The following MRPS10 variants were observed in gnomAD, a reference collection of about 807,000 sequenced individuals.
MRPS10 encodes the protein small ribosomal subunit protein uS10m.
In MRPS10, 23 loss-of-function variants were observed where a neutral mutation model predicts 27.5. The observed-to-expected ratio is 0.84, with a 90% CI of 0.60 to 1.18. The LOEUF is 1.18. Ranked by LOEUF, MRPS10 falls within the 50% of genes most tolerant of loss-of-function variation. The pLI is 0.00. For missense variants in MRPS10, 237 were observed against 240.1 expected (o/e 0.99, Z 0.09); for synonymous variants, 88 against 84.2 (o/e 1.04, Z -0.25).
chr6:42,216,048 G>C (rs1392995095), intron 1 of MRPS10, among the ~76,000 whole-genome samples: 4 of 95,368 alleles, frequency 4.2e-5, no homozygotes, highest in Admixed American at 1.3e-4. Flanking sequence ...TTTTTTGAGA[G>C]AGTCTTGCTC....
intron 3 of MRPS10, among the ~76,000 whole-genome samples, chr6:42,213,685 C>T (rs527402433): frequency 1.3e-5 from 2 of 152,294 alleles, no homozygotes; most frequent in Admixed American, 1.3e-4. Flanking sequence ...TACCAAGTTC[C>T]TTCTAGATGT....
chr6:42,216,026 C>CTTTTTTTTTTTTTTTTTTTT (rs34985131), intron 1 of MRPS10, among the ~76,000 whole-genome samples: 1 of 56,976 alleles, frequency 1.8e-5, no homozygotes, highest in Non-Finnish European at 4.1e-5. Context: ...TTTTTCTTTT[C>CTTTTTTTTTTTTTTTTTTTT]TTTTTTTTTT....
intron 5 of MRPS10, among the ~76,000 whole-genome samples, chr6:42,209,670 G>A (rs1046055161): frequency 6.3e-5 from 9 of 141,960 alleles, no homozygotes; most frequent in Admixed American, 1.5e-4. Context: ...GCTTGAACCC[G>A]GAAGGCAGAG....
chr6:42,217,271 T>C (rs1768968688), intron 1 of MRPS10, among the ~76,000 whole-genome samples: 1 of 152,036 alleles, frequency 6.6e-6, no homozygotes. Context: ...ACTCCGAAAG[T>C]GTAAAGTGGT....
intron 3 of MRPS10, among the ~76,000 whole-genome samples, chr6:42,213,224 A>G (rs1768834341): frequency 6.6e-6 from 1 of 152,100 alleles, no homozygotes; most frequent in Non-Finnish European, 1.5e-5. Flanking sequence ...TGAGGCAGGC[A>G]GATCACTTGA....
chr6:42,217,789 G>C lies in MRPS10; in HGVS notation c.48+13C>G. ...CCGGTCAGCCCTCCTAGTCTCCCTA[G>C]CCAATCCAGTACCTGCCAGAGGCGC... On this transcript the variant is annotated intron_variant, in intron 1 of 6. Transcript: ENST00000053468. The C allele has an allele frequency of 6.2e-7, 1 of 1,613,988 alleles. No homozygotes were observed. Among genetic ancestry groups the C allele is most frequent in the East Asian group, 2.2e-5 (1 of 44,874 alleles).
At chr6:42,216,381 A>AGTGTGTGTGT (rs1171760790) in intron 1 of MRPS10, among the ~76,000 whole-genome samples, 100 of 31,966 alleles carry the variant, frequency 3.1e-3, no homozygotes, top group Middle Eastern at 0.015. Flanking sequence ...AGAGAGAGAG[A>AGTGTGTGTGT]GAGAGTGTGT....
chr6:42,212,854 C>A (rs1768822361), intron 3 of MRPS10, among the ~76,000 whole-genome samples: 1 of 152,192 alleles, frequency 6.6e-6, no homozygotes, highest in African/African-American at 2.4e-5. Flanking sequence ...AATATAGCCT[C>A]AAGATGTGTT....
chr6:42,216,413 T>TGTGTGTGTGTGTGTGTGTGTGTG (rs371361467), intron 1 of MRPS10, among the ~76,000 whole-genome samples: 24 of 128,424 alleles, frequency 1.9e-4, no homozygotes, highest in East Asian at 4.8e-4. Context: ...TGTGTGTGTG[T>TGTGTGTGTGTGTGTGTGTGTGTG]TGGGGGAGTG....
At chr6:42,212,787 T>C (rs1768820298) in intron 3 of MRPS10, among the ~76,000 whole-genome samples, 1 of 152,210 alleles carries the variant, frequency 6.6e-6, no homozygotes, top group Non-Finnish European at 1.5e-5. Flanking sequence ...AAAAGGGTTG[T>C]TGGAAGAACA....
At chr6:42,216,385 A>T (rs9688516) in intron 1 of MRPS10, among the ~76,000 whole-genome samples, 11,304 of 58,800 alleles carry the variant, frequency 0.19, 1,590 homozygotes, top group Middle Eastern at 0.22. Context: ...AGAGAGAGAG[A>T]GTGTGTGTGT....
intron 5 of MRPS10, among the ~76,000 whole-genome samples, chr6:42,209,747 CAAAAAAAAAAAAAAAAAAAA>C (rs60179760): frequency 1.7e-5 from 1 of 58,612 alleles, no homozygotes; most frequent in Non-Finnish European, 2.9e-5. Flanking sequence ...GACTCTATCT[CAAAAAAAAAAAAAAAAAAAA>C]AAAAAAAAAA....
chr6:42,208,636 G>C (rs1768679539), intron 6 of MRPS10, among the ~76,000 whole-genome samples: 1 of 152,164 alleles, frequency 6.6e-6, no homozygotes, highest in African/African-American at 2.4e-5. Flanking sequence ...TGAGGAGGGA[G>C]AACTTCATAG....
intron 1 of MRPS10, among the ~76,000 whole-genome samples, chr6:42,216,775 C>T (rs552346159): frequency 6.6e-6 from 1 of 152,026 alleles, no homozygotes; most frequent in Non-Finnish European, 1.5e-5. Context: ...CGTGCCATTG[C>T]GCTCCAGCTT....
chr6:42,214,244 T>C, intron 2 of MRPS10, 36 bp downstream of exon 2: 1 of 1,609,054 alleles, frequency 6.2e-7, no homozygotes, highest in East Asian at 2.2e-5. Context: ...CAAGAACCTA[T>C]TTTGTTCAAT....
At position 42,215,370 on chromosome 6, in the gene MRPS10, AAAG is replaced by A. The variant is rs549726225; in HGVS notation, c.49-1029_49-1027del. Among the ~76,000 whole-genome samples, 266 of 151,506 alleles carry A rather than the reference AAAG, an allele frequency of 1.8e-3. 4 individuals are homozygous for A. The highest frequency in any genetic ancestry group is 2.8e-3 in the Non-Finnish European group (192 of 67,820). On this transcript the variant is annotated intron_variant, in intron 1 of 6. Transcript: ENST00000053468. ...GCGAGACTCCCTCTCAAAAAAAAAAAAAGAAGTTTAGCATAAGTGAAGTTTCAT... is the reference window on the plus strand; with the variant it reads ...GCGAGACTCCCTCTCAAAAAAAAAAAAAGTTTAGCATAAGTGAAGTTTCAT...
chr6:42,211,704 T>C, intron 4 of MRPS10, 77 bp downstream of exon 4: 1 of 1,305,060 alleles, frequency 7.7e-7, no homozygotes, highest in Non-Finnish European at 1.1e-6. Flanking sequence ...GTTCAGACCT[T>C]CCTGGGATGA....
intron 5 of MRPS10, 52 bp from the exon 6 acceptor site, chr6:42,208,999 G>GTTTTTTTTTTTTT (rs375700314): frequency 2.9e-6 from 3 of 1,026,116 alleles, no homozygotes; most frequent in African/African-American, 2.1e-5. Flanking sequence ...TTAAAGCACG[G>GTTTTTTTTTTTTT]TTTTTTGTTT....
chr6:42,211,877 A>C lies in MRPS10; in HGVS notation c.227T>G (p.Leu76Arg). 3 of 1,614,028 alleles carry C rather than the reference A, an allele frequency of 1.9e-6. No individual in the cohort carries two copies. Among genetic ancestry groups the C allele is most frequent in the Non-Finnish European group, 2.5e-6 (3 of 1,179,946 alleles). ...ATCGTGACCTTTCACCAAAACCGAG[A>C]GGCGCTTATATAATATGTCTGGTTC... Reference protein sequence around the residue: ...SDEPDILYKRLSVLVKGHDKA... With the variant: ...SDEPDILYKRRSVLVKGHDKA... Residue 76 changes from leucine to arginine, a missense_variant, in exon 4 of 7, where the codon CTC becomes CGC. Around this residue, in one of 3 missense-constraint regions of MRPS10, gnomAD observed 164 missense variants for 137.8 expected, o/e 1.19. Coordinates refer to ENST00000053468, the MANE Select transcript of MRPS10 (RefSeq NM_018141.4).
Sources: allele counts gnomAD v4.1 joint callset (sites outside exome capture counted in the v4.1 genomes callset), GRCh38; gene constraint gnomAD v4.1.1; regional missense constraint gnomAD v4.1.1; transcripts MANE v1.5; gene names NCBI Gene and HGNC (gene_info 2026-07-23, HGNC 2026-07-21).